The following NRG1 variants were observed in gnomAD, a reference collection of about 807,000 sequenced individuals.
NRG1 encodes pro-neuregulin-1, membrane-bound isoform.
In NRG1, 18 loss-of-function variants were observed where a neutral mutation model predicts 63.8. The ratio of observed to expected loss-of-function variants is 0.28; its 90% CI spans 0.19 to 0.42. The LOEUF (loss-of-function observed/expected upper bound fraction) is 0.42, where lower values mean the gene tolerates loss of function less well. Among genes scored for constraint, NRG1 ranks in the 10% least tolerant of loss-of-function variants. NRG1 has a pLI of 1.00. For missense variants in NRG1, 762 were observed against 814.7 expected (o/e 0.94, Z 0.79); for synonymous variants, 302 against 301.3 (o/e 1.00, Z -0.02).
At chr8:31,760,163 T>C (rs1288567196) in intron 1 of NRG1, among the ~76,000 whole-genome samples, 2 of 152,150 alleles carry the variant, frequency 1.3e-5, no homozygotes, top group Non-Finnish European at 2.9e-5. Flanking sequence ...GGTTTTCTTC[T>C]AGGGTTTTTA....
At chr8:32,213,058 T>C (rs1486545737) in intron 1 of NRG1, among the ~76,000 whole-genome samples, 2 of 152,244 alleles carry the variant, frequency 1.3e-5, no homozygotes, top group African/African-American at 2.4e-5. Flanking sequence ...ATTTCTTGTA[T>C]GGTGATTGGC....
At chr8:32,097,989 G>A (rs1830096767) in intron 1 of NRG1, among the ~76,000 whole-genome samples, 1 of 152,096 alleles carries the variant, frequency 6.6e-6, no homozygotes, top group South Asian at 2.1e-4. Context: ...AAGCCAGTTG[G>A]CCAGATGAGA....
Position 31,640,182 on chromosome 8 carries a change from G to C in NRG1, c.37+751G>C. 8.4e-7 allele frequency: 1 copy of C among 1,185,918 alleles called. No homozygotes were observed. Among genetic ancestry groups the C allele is most frequent in the South Asian group, 3.5e-5 (1 of 28,762 alleles). The allele number at this position is 1,185,918 out of a possible 1,614,324, so 73.5% of individuals were successfully genotyped here. A position where few individuals can be genotyped will look rare whatever the true frequency, so the allele number is the denominator to read the frequency against. ...GGGCCTCGGTGTGCTACTCGTCCCC[G>C]CCCAGCGTGGGATCGGTGCAGGAGC... On this transcript the variant is annotated intron_variant, in intron 1 of 10. Coordinates refer to the NRG1 transcript ENST00000519301. The surrounding 1 kb of genome is among the most constrained non-coding windows in gnomAD (Gnocchi z 6.3).
chr8:32,255,232 T>G (rs1161646706), intron 1 of NRG1, among the ~76,000 whole-genome samples: 2 of 152,198 alleles, frequency 1.3e-5, no homozygotes, highest in Non-Finnish European at 2.9e-5. Context: ...GATCCTGTCA[T>G]TATGATGCTA....
intron 1 of NRG1, among the ~76,000 whole-genome samples, chr8:31,836,607 T>C (rs1331298994): frequency 2.6e-5 from 4 of 152,040 alleles, no homozygotes; most frequent in African/African-American, 7.2e-5. Flanking sequence ...GATCTTTTGA[T>C]GTGAGTACAC....
chr8:32,279,691 G>C (rs1852493457), intron 1 of NRG1, among the ~76,000 whole-genome samples: 1 of 152,216 alleles, frequency 6.6e-6, no homozygotes, highest in Non-Finnish European at 1.5e-5. Flanking sequence ...ATATCACAAT[G>C]TTAGTAAGTG....
At chr8:32,398,363 C>A (rs749112380) in intron 1 of NRG1, among the ~76,000 whole-genome samples, 15 of 151,832 alleles carry the variant, frequency 9.9e-5, no homozygotes, top group Non-Finnish European at 2.2e-4. Context: ...TGTCTGAGCA[C>A]TCATCAGTGC....
At chr8:32,597,128 A>T (rs1028692158) in intron 2 of NRG1, among the ~76,000 whole-genome samples, 1 of 152,174 alleles carries the variant, frequency 6.6e-6, no homozygotes, top group Non-Finnish European at 1.5e-5. Flanking sequence ...AATCAACGTG[A>T]CATGTATAAT....
intron 1 of NRG1, among the ~76,000 whole-genome samples, chr8:32,124,001 G>A (rs1833793969): frequency 6.6e-6 from 1 of 151,826 alleles, no homozygotes; most frequent in South Asian, 2.1e-4. Context: ...ACTAAAAAAA[G>A]GAAATTATTT....
At chr8:32,730,026 A>AT (rs1354591195) in intron 6 of NRG1, among the ~76,000 whole-genome samples, 2 of 152,238 alleles carry the variant, frequency 1.3e-5, no homozygotes, top group African/African-American at 4.8e-5. Context: ...GTTAGAGTGA[A>AT]TAAAAGACTT....
chr8:31,749,736 G>GATAT (rs35399357), intron 1 of NRG1, among the ~76,000 whole-genome samples: 4 of 146,574 alleles, frequency 2.7e-5, no homozygotes, highest in African/African-American at 1.0e-4. Context: ...TGATATATAT[G>GATAT]ATATATATAT....
intron 1 of NRG1, among the ~76,000 whole-genome samples, chr8:32,570,632 A>G (rs1294126730): frequency 1.3e-5 from 2 of 152,138 alleles, no homozygotes; most frequent in Non-Finnish European, 2.9e-5. Context: ...AAATCAGAAT[A>G]TTTTCAAATG....
chr8:32,581,597 A>T (rs1364916196), intron 1 of NRG1, among the ~76,000 whole-genome samples: 1 of 152,182 alleles, frequency 6.6e-6, no homozygotes, highest in Non-Finnish European at 1.5e-5. Context: ...AACATGTGTA[A>T]AGATAAAATA....
In NRG1 at chr8:32,281,805, A is replaced by ACC. The variant is rs5890633; in HGVS notation, c.38-314016_38-314015dup. 4.0e-3 allele frequency among the ~76,000 whole-genome samples: 603 copies of ACC among 151,236 alleles called. 1 individual carries two copies. Among genetic ancestry groups the ACC allele is most frequent in the Non-Finnish European group, 5.2e-3 (353 of 67,738 alleles). ...AAGCCAGCCTGGGCAACATAGTGAG[A>ACC]CCCCCCCCATCTCTTTTAAAAAATA... On this transcript the variant is annotated intron_variant, in intron 1 of 10. Transcript: ENST00000519301.
intron 1 of NRG1, among the ~76,000 whole-genome samples, chr8:31,866,130 A>G (rs1456002401): frequency 1.3e-5 from 2 of 152,126 alleles, no homozygotes; most frequent in African/African-American, 4.8e-5. Flanking sequence ...GGATTACCCA[A>G]CCACCATTGT....
intron 9 of NRG1, 30 bp downstream of exon 9, chr8:32,756,559 T>G: frequency 6.3e-7 from 1 of 1,592,190 alleles, no homozygotes; most frequent in Admixed American, 1.8e-5. Flanking sequence ...TGGAAAAAAC[T>G]GAGCCTCTCT....
intron 1 of NRG1, among the ~76,000 whole-genome samples, chr8:31,877,654 T>C (rs1830031743): frequency 6.6e-6 from 1 of 152,200 alleles, no homozygotes; most frequent in South Asian, 2.1e-4. Flanking sequence ...TGGTCATACA[T>C]CTAATAACAA....
intron 1 of NRG1, among the ~76,000 whole-genome samples, chr8:31,841,583 A>G (rs1277838866): frequency 6.6e-6 from 1 of 152,190 alleles, no homozygotes; most frequent in Non-Finnish European, 1.5e-5. Context: ...AGAAGAGTAT[A>G]CCAGAAAAGG....
chr8:32,067,360 C>T (rs1825016953), intron 1 of NRG1, among the ~76,000 whole-genome samples: 1 of 152,094 alleles, frequency 6.6e-6, no homozygotes. Flanking sequence ...TGAGGTACGT[C>T]CCATCAATAC....
Sources: gnomAD v4.1 joint callset for allele counts (sites outside exome capture counted in the v4.1 genomes callset) on GRCh38, gnomAD v4.1.1 for gene constraint, Gnocchi (gnomAD v3.1) non-coding constraint, MANE v1.5 for transcripts, NCBI Gene and HGNC (gene_info 2026-07-23, HGNC 2026-07-21) for gene names.